Variants in PDE4D observed in about 807,000 individuals in gnomAD.
PDE4D encodes the protein 3',5'-cyclic-AMP phosphodiesterase 4D.
In PDE4D, 24 loss-of-function variants were observed where a neutral mutation model predicts 87.4. The observed-to-expected ratio is 0.27, with a 90% confidence interval of 0.20 to 0.39. The LOEUF (loss-of-function observed/expected upper bound fraction) is 0.39, where lower values mean the gene tolerates loss of function less well. PDE4D is among the 10% of genes least tolerant of loss of function. The probability of loss-of-function intolerance (pLI) is 1.00; values close to 1 mark genes in which losing one functional copy is unlikely to be tolerated. For missense variants in PDE4D, 714 were observed against 1,041.0 expected (o/e 0.69, Z 4.32); for synonymous variants, 384 against 383.2 (o/e 1.00, Z -0.02).
chr5:59,727,858 T>C (rs1038162302), intron 1 of PDE4D, among the ~76,000 whole-genome samples: 14 of 152,062 alleles, frequency 9.2e-5, no homozygotes, highest in African/African-American at 3.4e-4. Context: ...CTCTCAATAC[T>C]TGGTAGACAA....
intron 1 of PDE4D, among the ~76,000 whole-genome samples, chr5:59,509,243 A>C (rs1809830733): frequency 1.3e-5 from 2 of 151,948 alleles, no homozygotes; most frequent in African/African-American, 4.8e-5. Context: ...TATCGTATTT[A>C]AAGAGGTGAA....
At chr5:59,233,805 T>C (rs1755762693) in intron 1 of PDE4D, among the ~76,000 whole-genome samples, 1 of 152,134 alleles carries the variant, frequency 6.6e-6, no homozygotes, top group South Asian at 2.1e-4. Context: ...AGAAAAGAGA[T>C]ACCTATCCAT....
At chr5:60,109,483 C>A (rs892747818) in intron 2 of PDE4D, among the ~76,000 whole-genome samples, 1 of 150,538 alleles carries the variant, frequency 6.6e-6, no homozygotes. Flanking sequence ...ACTAGAAATA[C>A]CATTTGACCC....
intron 1 of PDE4D, among the ~76,000 whole-genome samples, chr5:59,406,403 C>T (rs917418768): frequency 1.5e-5 from 1 of 65,568 alleles, no homozygotes; most frequent in East Asian, 4.7e-4. Context: ...CTTCCCCCCC[C>T]CCCCCCCCAT....
At chr5:60,463,583 T>A (rs891284319) in intron 1 of PDE4D, among the ~76,000 whole-genome samples, 2 of 151,966 alleles carry the variant, frequency 1.3e-5, no homozygotes, top group African/African-American at 4.8e-5. Context: ...AAACAAACAA[T>A]CCAGATGACT....
At chr5:59,499,345 C>A (rs1261149113) in intron 1 of PDE4D, among the ~76,000 whole-genome samples, 2 of 12,620 alleles carry the variant, frequency 1.6e-4, no homozygotes, top group East Asian at 1.5e-3. Flanking sequence ...TAAAATCGCA[C>A]CTAAAAAAAA....
chr5:59,041,425 A>T (rs1759668503), intron 5 of PDE4D, among the ~76,000 whole-genome samples: 2 of 152,198 alleles, frequency 1.3e-5, no homozygotes, highest in African/African-American at 4.8e-5. Flanking sequence ...ATGGTAGTGC[A>T]TCTACTATAT....
chr5:60,291,499 C>CA lies in PDE4D; in HGVS notation c.-89-105813dup, dbSNP rs559343708. Reference sequence around the variant, plus strand: ...TAATTAAAAGCTTAATAGCTAAAAGCAAAAAAAAACCTATTACAATATAAC... The same window carrying CA: ...TAATTAAAAGCTTAATAGCTAAAAGCAAAAAAAAAACCTATTACAATATAAC... On this transcript the variant is annotated intron_variant, in intron 1 of 16. Coordinates refer to the PDE4D transcript ENST00000502484. Among the ~76,000 whole-genome samples the CA allele has an allele frequency of 1.4e-3, 202 of 146,820 alleles. 2 individuals are homozygous for CA. Among genetic ancestry groups the CA allele is most frequent in the African/African-American group, 4.1e-3 (162 of 39,968 alleles).
chr5:58,985,286 T>G (rs1375520869), intron 11 of PDE4D, among the ~76,000 whole-genome samples: 2 of 152,238 alleles, frequency 1.3e-5, no homozygotes, highest in African/African-American at 2.4e-5. Flanking sequence ...TCAATTTCTC[T>G]AAATCCTGTT....
At chr5:59,944,020 G>T (rs1175551109) in intron 3 of PDE4D, among the ~76,000 whole-genome samples, 3 of 152,208 alleles carry the variant, frequency 2.0e-5, no homozygotes, top group South Asian at 2.1e-4. Flanking sequence ...TCTATGCAAA[G>T]AACTTTTACA....
chr5:60,512,413 TA>T (rs1750617648), intron 1 of PDE4D, among the ~76,000 whole-genome samples: 1 of 152,184 alleles, frequency 6.6e-6, no homozygotes, highest in Non-Finnish European at 1.5e-5. Flanking sequence ...AATCATCAAA[TA>T]CTTGATTCCT....
chr5:59,865,651 G>A (rs1746907285), intron 1 of PDE4D, among the ~76,000 whole-genome samples: 1 of 152,116 alleles, frequency 6.6e-6, no homozygotes, highest in African/African-American at 2.4e-5. Context: ...GTCTTTGTAC[G>A]CTCATATTTA....
At chr5:60,245,758 G>C (rs1050230064) in intron 1 of PDE4D, among the ~76,000 whole-genome samples, 1 of 151,768 alleles carries the variant, frequency 6.6e-6, no homozygotes, top group African/African-American at 2.4e-5. Flanking sequence ...AGATGGTAAA[G>C]GGATGGTTAC....
At chr5:60,501,509 T>C (rs1459116401) in intron 1 of PDE4D, among the ~76,000 whole-genome samples, 4 of 151,500 alleles carry the variant, frequency 2.6e-5, no homozygotes, top group African/African-American at 7.3e-5. Flanking sequence ...CCTTTGGGTA[T>C]ATACCCAGTA....
At chr5:60,480,894 T>C (rs562422142) in intron 1 of PDE4D, among the ~76,000 whole-genome samples, 1 of 152,282 alleles carries the variant, frequency 6.6e-6, no homozygotes, top group African/African-American at 2.4e-5. Flanking sequence ...GGATGTCAGA[T>C]TGAGGATATT....
chr5:60,206,248 T>C (rs2149558907), intron 1 of PDE4D, among the ~76,000 whole-genome samples: 1 of 152,340 alleles, frequency 6.6e-6, no homozygotes. Flanking sequence ...TGCTTAACAC[T>C]GTCTCAGAAA....
At chr5:60,462,304 G>A (rs1054438686) in intron 1 of PDE4D, among the ~76,000 whole-genome samples, 1 of 152,104 alleles carries the variant, frequency 6.6e-6, no homozygotes, top group Non-Finnish European at 1.5e-5. Flanking sequence ...CTAGGCCTGA[G>A]GGGTGTTCAT....
intron 1 of PDE4D, among the ~76,000 whole-genome samples, chr5:59,411,422 G>T (rs1303358675): frequency 6.6e-6 from 1 of 152,090 alleles, no homozygotes; most frequent in African/African-American, 2.4e-5. Context: ...AATTTTCCAG[G>T]GCTTCCATAA....
At chr5:59,642,292 T>C (rs565518967) in intron 1 of PDE4D, among the ~76,000 whole-genome samples, 1 of 152,060 alleles carries the variant, frequency 6.6e-6, no homozygotes, top group South Asian at 2.1e-4. Flanking sequence ...TTACTACTTT[T>C]ATAATTTCAA....
Sources: allele counts gnomAD v4.1 joint callset (sites outside exome capture counted in the v4.1 genomes callset), GRCh38; gene constraint gnomAD v4.1.1; transcripts MANE v1.5; gene names NCBI Gene and HGNC (gene_info 2026-07-23, HGNC 2026-07-21).